SOX6: variants seen among roughly 807,000 people sequenced by gnomAD.
SOX6 encodes SRY-box transcription factor 6.
In SOX6, 11 loss-of-function variants were observed where a neutral mutation model predicts 97.8. The observed-to-expected ratio is 0.11, with a 90% confidence interval of 0.07 to 0.19. The LOEUF (loss-of-function observed/expected upper bound fraction) is 0.19. SOX6 is among the 10% of genes least tolerant of loss of function. The pLI is 1.00. For missense variants in SOX6, 810 were observed against 1,039.5 expected (o/e 0.78, Z 3.04); for synonymous variants, 360 against 371.4 (o/e 0.97, Z 0.35).
At chr11:16,583,638 C>CATATATATATATAT (rs1329710047) in intron 4 of SOX6, among the ~76,000 whole-genome samples, 14 of 104,536 alleles carry the variant, frequency 1.3e-4, no homozygotes, top group South Asian at 2.9e-4. Flanking sequence ...TATATATATA[C>CATATATATATATAT]ACATACACAC....
At chr11:16,068,920 T>A (rs778542935) in intron 9 of SOX6, among the ~76,000 whole-genome samples, 1 of 152,220 alleles carries the variant, frequency 6.6e-6, no homozygotes, top group Non-Finnish European at 1.5e-5. Context: ...TGAGGCTTAT[T>A]TATCTTTATG....
intron 1 of SOX6, among the ~76,000 whole-genome samples, chr11:16,364,548 C>T (rs1857299254): frequency 6.6e-6 from 1 of 152,078 alleles, no homozygotes; most frequent in Admixed American, 6.6e-5. Flanking sequence ...GGCAAAATCA[C>T]TTATCTTCCT....
intron 1 of SOX6, among the ~76,000 whole-genome samples, chr11:16,425,827 A>G (rs1215526266): frequency 6.6e-6 from 1 of 152,186 alleles, no homozygotes; most frequent in Non-Finnish European, 1.5e-5. Context: ...ACACATATAA[A>G]TGGAAAAACA....
chr11:16,645,359 G>A (rs1848997666), intron 3 of SOX6, among the ~76,000 whole-genome samples: 1 of 152,156 alleles, frequency 6.6e-6, no homozygotes, highest in Admixed American at 6.5e-5. Context: ...TTTACCACCT[G>A]CATCTTGGTC....
At chr11:16,034,778 T>C (rs1057480644) in intron 12 of SOX6, among the ~76,000 whole-genome samples, 2 of 151,778 alleles carry the variant, frequency 1.3e-5, no homozygotes, top group Non-Finnish European at 2.9e-5. Flanking sequence ...CAGACAGACA[T>C]ACAGATTCAG....
intron 6 of SOX6, among the ~76,000 whole-genome samples, chr11:16,117,246 G>A (rs187304874): frequency 2.3e-4 from 35 of 152,128 alleles, no homozygotes; most frequent in Middle Eastern, 3.4e-3. Flanking sequence ...CCAGCTGCTC[G>A]GGAGGCTGAG....
intron 3 of SOX6, among the ~76,000 whole-genome samples, chr11:16,288,123 G>A (rs972802512): frequency 6.6e-5 from 10 of 152,038 alleles, no homozygotes; most frequent in Non-Finnish European, 1.5e-4. Flanking sequence ...AGAGGGAGTA[G>A]AGAAAAGGCA....
chr11:16,088,858 G>A (rs1288579778), intron 9 of SOX6, among the ~76,000 whole-genome samples: 2 of 152,144 alleles, frequency 1.3e-5, no homozygotes, highest in East Asian at 3.9e-4. Flanking sequence ...TATAGTTTGA[G>A]ATAGTCAAAT....
rs191420564 is a variant in SOX6 at position 16,602,018 on chromosome 11, G to A, written n.609+10063C>T. On this transcript the variant is annotated intron_variant and non_coding_transcript_variant, in intron 4 of 5. Transcript: ENST00000524520. ...TAATCTCATTTCTTCTAGGCATTCA[G>A]TTACCAAATCCATTATAGAATCAGC... Among the ~76,000 whole-genome samples the A allele has an allele frequency of 4.0e-3, 613 of 152,224 alleles. 3 individuals carry two copies. Among genetic ancestry groups the A allele is most frequent in the Non-Finnish European group, 5.2e-3 (355 of 67,992 alleles).
At chr11:16,089,036 T>C (rs1848629430) in intron 9 of SOX6, among the ~76,000 whole-genome samples, 1 of 152,118 alleles carries the variant, frequency 6.6e-6, no homozygotes, top group Admixed American at 6.5e-5. Context: ...CTGTAGCCTG[T>C]TGGTTACAGG....
In SOX6 at chr11:15,975,203, A is replaced by G. The variant is rs568787122; in HGVS notation, c.2184-2091T>C. Reference sequence around the variant, plus strand: ...CTAAATCTATGTATAGAAACATCATATAAAATATTAGTTCCCTCTTATTGA... The same window carrying G: ...CTAAATCTATGTATAGAAACATCATGTAAAATATTAGTTCCCTCTTATTGA... On this transcript the variant is annotated intron_variant, in intron 15 of 15. Coordinates refer to ENST00000683767, the MANE Select transcript of SOX6 (RefSeq NM_001367873.1). Among the ~76,000 whole-genome samples, 5 of 152,370 alleles carry G rather than the reference A, an allele frequency of 3.3e-5. No homozygotes were observed. In the East Asian group the frequency reaches 9.6e-4, roughly 29 times the overall value.
chr11:16,682,047 G>A (rs569759270), intron 3 of SOX6, among the ~76,000 whole-genome samples: 1 of 152,232 alleles, frequency 6.6e-6, no homozygotes, highest in Non-Finnish European at 1.5e-5. Flanking sequence ...AGAGGAGCTG[G>A]TACCATTCCT....
intron 9 of SOX6, among the ~76,000 whole-genome samples, chr11:16,060,985 A>C (rs1045114524): frequency 2.0e-5 from 3 of 151,824 alleles, no homozygotes; most frequent in Admixed American, 2.0e-4. Context: ...TTAACATACT[A>C]TACAAAATCA....
intron 6 of SOX6, among the ~76,000 whole-genome samples, chr11:16,144,070 A>C (rs1475495063): frequency 6.6e-6 from 1 of 152,162 alleles, no homozygotes; most frequent in Non-Finnish European, 1.5e-5. Context: ...ACCACACCAC[A>C]CTTATTCCAC....
At chr11:15,999,469 T>G (rs1043383233) in intron 13 of SOX6, among the ~76,000 whole-genome samples, 1 of 152,138 alleles carries the variant, frequency 6.6e-6, no homozygotes, top group African/African-American at 2.4e-5. Context: ...TTGTGATATA[T>G]CCATACAATG....
intron 1 of SOX6, among the ~76,000 whole-genome samples, chr11:16,373,802 GGGGAGGGA>G (rs977477014): frequency 1.5e-5 from 2 of 133,020 alleles, no homozygotes; most frequent in Non-Finnish European, 3.1e-5. Context: ...GAAAAGAAAG[GGGGAGGGA>G]GGGAGGGAGA....
At chr11:16,615,366 A>G (rs1848458760) in intron 3 of SOX6, among the ~76,000 whole-genome samples, 1 of 152,168 alleles carries the variant, frequency 6.6e-6, no homozygotes, top group South Asian at 2.1e-4. Context: ...CTGGCAGTTC[A>G]TTTTATCTTA....
At chr11:16,524,642 C>A (rs1405257416) in intron 4 of SOX6, among the ~76,000 whole-genome samples, 2 of 151,530 alleles carry the variant, frequency 1.3e-5, no homozygotes, top group Non-Finnish European at 2.9e-5. Context: ...GGCAATTAGG[C>A]AGGAGAAGGA....
intron 3 of SOX6, among the ~76,000 whole-genome samples, chr11:16,236,327 T>C (rs1853020929): frequency 6.6e-6 from 1 of 152,072 alleles, no homozygotes; most frequent in Non-Finnish European, 1.5e-5. Context: ...ATTTTGTTTT[T>C]ATGCTAAAGT....
Sources: allele counts gnomAD v4.1 joint callset (sites outside exome capture counted in the v4.1 genomes callset), GRCh38; gene constraint gnomAD v4.1.1; transcripts MANE v1.5; gene names NCBI Gene and HGNC (gene_info 2026-07-23, HGNC 2026-07-21).